UNC5D: variants seen among roughly 807,000 people sequenced by gnomAD.
UNC5D encodes unc-5 netrin receptor D.
UNC5D carries 39 observed loss-of-function variants against 105.4 expected under a neutral mutation model. That is an observed-to-expected ratio of 0.37 (90% CI 0.29 to 0.48). The LOEUF (loss-of-function observed/expected upper bound fraction) is 0.48, where lower values mean the gene tolerates loss of function less well. Ranked by LOEUF, UNC5D falls within the 20% of genes least tolerant of loss-of-function variation. The probability of loss-of-function intolerance (pLI) is 0.98; values close to 1 mark genes in which losing one functional copy is unlikely to be tolerated. For synonymous variants in UNC5D, 452 were observed against 450.4 expected (o/e 1.00, Z -0.04); for missense variants, 991 against 1,202.4 (o/e 0.82, Z 2.60).
chr8:35,367,983 G>T (rs72633596), intron 1 of UNC5D, among the ~76,000 whole-genome samples: 3 of 151,966 alleles, frequency 2.0e-5, no homozygotes, highest in Non-Finnish European at 4.4e-5. Flanking sequence ...CAGGTTTCTT[G>T]TAAAGTATGC....
At chr8:35,423,425 T>C (rs533281535) in intron 1 of UNC5D, among the ~76,000 whole-genome samples, 1 of 152,310 alleles carries the variant, frequency 6.6e-6, no homozygotes, top group African/African-American at 2.4e-5. Flanking sequence ...CAGGTTATAA[T>C]AGATTGTCTT....
At chr8:35,645,708 A>G (rs1823003974) in intron 4 of UNC5D, among the ~76,000 whole-genome samples, 1 of 152,004 alleles carries the variant, frequency 6.6e-6, no homozygotes, top group South Asian at 2.1e-4. Flanking sequence ...AGATATAGGC[A>G]TTTTTCAGAG....
chr8:35,614,872 C>T (rs1428773424), intron 4 of UNC5D, among the ~76,000 whole-genome samples: 2 of 151,938 alleles, frequency 1.3e-5, no homozygotes, highest in Non-Finnish European at 2.9e-5. Context: ...TTCCTTTTCC[C>T]TCTTGTTCTG....
chr8:35,459,155 A>T (rs1808706673), intron 1 of UNC5D, among the ~76,000 whole-genome samples: 6 of 151,952 alleles, frequency 3.9e-5, no homozygotes, highest in African/African-American at 1.5e-4. Flanking sequence ...GAAGAAGGGG[A>T]TTACTGGACA....
chr8:35,780,083 G>T (rs1237393561), intron 16 of UNC5D, among the ~76,000 whole-genome samples: 1 of 152,170 alleles, frequency 6.6e-6, no homozygotes, highest in Non-Finnish European at 1.5e-5. Flanking sequence ...TGGAAGAAAG[G>T]ATTCCAAAAT....
At chr8:35,748,822 T>C in intron 12 of UNC5D, 127 bp downstream of exon 12, 1 of 1,065,920 alleles carries the variant, frequency 9.4e-7, no homozygotes, top group South Asian at 1.7e-5. Flanking sequence ...GGCAAGTGTT[T>C]TATAATATCC....
At chr8:35,503,122 C>G (rs1032025193) in intron 1 of UNC5D, among the ~76,000 whole-genome samples, 1 of 152,136 alleles carries the variant, frequency 6.6e-6, no homozygotes, top group Admixed American at 6.6e-5. Flanking sequence ...TGCCTAAATT[C>G]TCTCAGCTAA....
intron 1 of UNC5D, among the ~76,000 whole-genome samples, chr8:35,376,894 A>C (rs1802728633): frequency 6.6e-6 from 1 of 152,216 alleles, no homozygotes; most frequent in Non-Finnish European, 1.5e-5. Flanking sequence ...TCTAAGGACC[A>C]GCAAAAGTCA....
chr8:35,311,254 G>A (rs962539043), intron 1 of UNC5D, among the ~76,000 whole-genome samples: 1 of 152,166 alleles, frequency 6.6e-6, no homozygotes, highest in African/African-American at 2.4e-5. Context: ...AAGCTGAAAA[G>A]ATTGTTTCAG....
At chr8:35,427,622 G>A (rs747174510) in intron 1 of UNC5D, among the ~76,000 whole-genome samples, 1 of 152,168 alleles carries the variant, frequency 6.6e-6, no homozygotes, top group Non-Finnish European at 1.5e-5. Context: ...GTAGGAAGAA[G>A]TTGTTTATCA....
At chr8:35,618,173 G>A (rs1210225371) in intron 4 of UNC5D, among the ~76,000 whole-genome samples, 1 of 152,182 alleles carries the variant, frequency 6.6e-6, no homozygotes, top group Non-Finnish European at 1.5e-5. Flanking sequence ...AACTTGACAA[G>A]AGCAGTCACT....
intron 1 of UNC5D, among the ~76,000 whole-genome samples, chr8:35,540,522 G>GA (rs903394702): frequency 6.6e-6 from 1 of 151,320 alleles, no homozygotes; most frequent in African/African-American, 2.4e-5. Context: ...TAAAAATAGA[G>GA]AAAAAGCAAA....
chr8:35,454,434 C>A (rs944403463), intron 1 of UNC5D, among the ~76,000 whole-genome samples: 2 of 152,178 alleles, frequency 1.3e-5, no homozygotes, highest in Non-Finnish European at 2.9e-5. Context: ...CCCCTTCCCA[C>A]TTGCCTAAAA....
chr8:35,305,493 T>C (rs1563297442), intron 1 of UNC5D, among the ~76,000 whole-genome samples: 1 of 152,134 alleles, frequency 6.6e-6, no homozygotes, highest in Non-Finnish European at 1.5e-5. Context: ...CATAGAATTG[T>C]GTGTGAGCCA....
chr8:35,706,022 A>G (rs2131453931), intron 8 of UNC5D, 61 bp downstream of exon 8: 1 of 1,140,532 alleles, frequency 8.8e-7, no homozygotes, highest in East Asian at 2.8e-5. Context: ...TTGCTGTTGT[A>G]TTTGTTTAGG....
At chr8:35,412,199 G>T (rs535008130) in intron 1 of UNC5D, among the ~76,000 whole-genome samples, 1 of 152,066 alleles carries the variant, frequency 6.6e-6, no homozygotes, top group South Asian at 2.1e-4. Context: ...GGTTCCCTGA[G>T]CTCCTGCCTT....
At position 35,612,723 on chromosome 8, in the gene UNC5D, CTTTTTTT is replaced by C. The variant is rs57450378; in HGVS notation, c.570+17085_570+17091del. Among the ~76,000 whole-genome samples the C allele has an allele frequency of 1.2e-4, 8 of 64,746 alleles. No homozygotes were observed. The East Asian group carries it at 4.4e-3, about 36-fold the overall frequency. 42.5% of individuals were successfully genotyped at this position (64,746 alleles called of 152,430 possible). On this transcript the variant is annotated intron_variant, in intron 4 of 16. Transcript: ENST00000404895. ...TATTAGAAACTGCTAAATGTTTTGCCTTTTTTTTTTTTTTTTTTTTTTTTTGCTTCTT... is the reference window on the plus strand; with the variant it reads ...TATTAGAAACTGCTAAATGTTTTGCCTTTTTTTTTTTTTTTTTTGCTTCTT...
At chr8:35,632,279 C>G (rs1244179407) in intron 4 of UNC5D, among the ~76,000 whole-genome samples, 5 of 152,226 alleles carry the variant, frequency 3.3e-5, no homozygotes, top group South Asian at 4.1e-4. Context: ...AGTGAGGAAA[C>G]TGCATTATTT....
chr8:35,240,545 A>T (rs1461749907), intron 1 of UNC5D, among the ~76,000 whole-genome samples: 1 of 152,140 alleles, frequency 6.6e-6, no homozygotes. Context: ...TCTTTGAGGT[A>T]AGTACTGTGA....
Sources: allele counts gnomAD v4.1 joint callset (sites outside exome capture counted in the v4.1 genomes callset), GRCh38; gene constraint gnomAD v4.1.1; transcripts MANE v1.5; gene names NCBI Gene and HGNC (gene_info 2026-07-23, HGNC 2026-07-21).